Variants in ALG9 observed in about 807,000 individuals in gnomAD.
ALG9 encodes the protein alpha-1,2-mannosyltransferase ALG9.
A neutral mutation model predicts 81.8 loss-of-function variants in ALG9; 55 were observed. That is an observed-to-expected ratio of 0.67 (90% CI 0.54 to 0.84). The LOEUF (loss-of-function observed/expected upper bound fraction) is 0.84. ALG9 is among the 40% of genes least tolerant of loss of function. ALG9 has a pLI of 0.00. For synonymous variants in ALG9, 278 were observed against 274.3 expected, an observed-to-expected ratio of 1.01 and a Z score of -0.13; for missense variants, 629 against 745.0, an observed-to-expected ratio of 0.84 and a Z score of 1.81.
intron 13 of ALG9, among the ~76,000 whole-genome samples, chr11:111,821,160 T>C (rs1035934563): frequency 4.6e-5 from 7 of 152,086 alleles, no homozygotes; most frequent in South Asian, 4.1e-4. Flanking sequence ...TATTTGAAAA[T>C]GGATTATCAG....
chr11:111,859,285 C>T (rs954939228), intron 5 of ALG9, among the ~76,000 whole-genome samples: 1 of 152,014 alleles, frequency 6.6e-6, no homozygotes, highest in South Asian at 2.1e-4. Flanking sequence ...GGGTGGATCA[C>T]GTGGTCAGGA....
chr11:111,869,894 C>T (rs1963722282), intron 2 of ALG9, among the ~76,000 whole-genome samples: 1 of 151,580 alleles, frequency 6.6e-6, no homozygotes, highest in Admixed American at 6.6e-5. Context: ...TCACTGTAAA[C>T]TCTGCCTCCC....
At chr11:111,832,614 G>A (rs1954574287) in intron 13 of ALG9, among the ~76,000 whole-genome samples, 1 of 152,070 alleles carries the variant, frequency 6.6e-6, no homozygotes, top group Non-Finnish European at 1.5e-5. Flanking sequence ...TAAGTATTGT[G>A]TCCCTAACTC....
chr11:111,833,706 G>A (rs2136764411), intron 13 of ALG9, among the ~76,000 whole-genome samples: 1 of 152,288 alleles, frequency 6.6e-6, no homozygotes. Flanking sequence ...GGACACAGCT[G>A]CTACCCAGCA....
At chr11:111,817,293 A>C (rs1951637800) in intron 13 of ALG9, 1 of 152,254 alleles carries the variant, frequency 6.6e-6, no homozygotes. Flanking sequence ...AAAGTGTTGG[A>C]GGAAAAAGCT....
the ALG9 span, among the ~76,000 whole-genome samples, chr11:111,773,515 G>C: frequency 1.3e-5 from 2 of 152,134 alleles, no homozygotes; most frequent in South Asian, 4.2e-4. Flanking sequence ...AAAGTGCTGG[G>C]ATTATGGGCG....
intron 13 of ALG9, chr11:111,828,979 G>T (rs1289755835): frequency 3.9e-5 from 6 of 152,056 alleles, no homozygotes; most frequent in Non-Finnish European, 8.8e-5. Flanking sequence ...TTTAGCTTGA[G>T]AGTCCTCAGT....
In ALG9 at chr11:111,803,415, C is replaced by T. The variant is rs891121801; in HGVS notation, c.1733+6228G>A. ...ACTCGGGTGGCTGAGGCAGGAGAAT[C>T]GCTTGAACCCGGGAGGCAGAGGTTG... On this transcript the variant is annotated intron_variant, in intron 14 of 14. Coordinates refer to ENST00000616540, the MANE Select transcript of ALG9 (RefSeq NM_024740.2). 2.9e-4 allele frequency among the ~76,000 whole-genome samples: 44 copies of T among 151,132 alleles called. 1 individual carries two copies. Among genetic ancestry groups the T allele is most frequent in the Non-Finnish European group, 2.5e-4 (17 of 67,844 alleles).
intron 14 of ALG9, 93 bp from the exon 15 acceptor site, chr11:111,786,613 G>A: frequency 7.4e-7 from 1 of 1,353,654 alleles, no homozygotes; most frequent in East Asian, 2.5e-5. Context: ...CTAATCTGTA[G>A]TAAGGATTAT....
chr11:111,779,357 A>C (rs1287931517), downstream of ALG9, among the ~76,000 whole-genome samples: 1 of 152,024 alleles, frequency 6.6e-6, no homozygotes, highest in African/African-American at 2.4e-5. Context: ...AGGTCAAGAG[A>C]GCTCTTGTAA....
At chr11:111,769,161 C>T in the ALG9 span, 1 of 107,368 alleles carries the variant, frequency 9.3e-6, no homozygotes, top group Non-Finnish European at 2.0e-5. Flanking sequence ...AAAAAAAAAA[C>T]TTAGCAGGAC....
At chr11:111,799,670 T>C (rs1948817194) in intron 14 of ALG9, among the ~76,000 whole-genome samples, 2 of 152,200 alleles carry the variant, frequency 1.3e-5, no homozygotes, top group South Asian at 2.1e-4. Flanking sequence ...TCCTGCTTTT[T>C]GGAACAAGTC....
At chr11:111,821,270 A>G (rs1472548433) in intron 13 of ALG9, among the ~76,000 whole-genome samples, 1 of 151,918 alleles carries the variant, frequency 6.6e-6, no homozygotes, top group Non-Finnish European at 1.5e-5. Context: ...GTCCTCCTTG[A>G]GCTCACCTTA....
At chr11:111,802,954 A>G (rs1949350826) in intron 14 of ALG9, among the ~76,000 whole-genome samples, 1 of 152,224 alleles carries the variant, frequency 6.6e-6, no homozygotes, top group Non-Finnish European at 1.5e-5. Flanking sequence ...GAGAAAGGCA[A>G]GGCCATCAGA....
rs964142368 is a variant in ALG9, at chr11:111,782,961, C to A, written c.*3436G>T. 27 of 151,440 alleles carry A rather than the reference C, an allele frequency of 1.8e-4. No individual in the cohort carries two copies. Among genetic ancestry groups the A allele is most frequent in the African/African-American group, 5.4e-4 (22 of 40,752 alleles). 9.4% of individuals were successfully genotyped at this position (151,440 alleles called of 1,614,324 possible). ...ATCTCAAAAAATTAAAATAACCTGT[C>A]TTCTTTCTTATCAGATGACACCTAC... On this transcript the variant is annotated 3_prime_UTR_variant, in exon 15 of 15. Transcript: ENST00000616540.
At chr11:111,807,561 T>A (rs1397253425) in intron 14 of ALG9, among the ~76,000 whole-genome samples, 1 of 152,244 alleles carries the variant, frequency 6.6e-6, no homozygotes, top group African/African-American at 2.4e-5. Context: ...ACTATATAAC[T>A]TATTTTCTTG....
At position 111,788,862 on chromosome 11, in the gene ALG9, A is replaced by T. The variant is rs565491938; in HGVS notation, c.1734-2342T>A. On this transcript the variant is annotated intron_variant, in intron 14 of 14. Transcript: ENST00000616540. ...CAAACTCCTATAAGCTTTAGTAAAGAAAGTATAAAACTAACAAGTGTAATT... is the reference window on the plus strand; with the variant it reads ...CAAACTCCTATAAGCTTTAGTAAAGTAAGTATAAAACTAACAAGTGTAATT... Among the ~76,000 whole-genome samples the T allele has an allele frequency of 1.2e-3, 184 of 152,372 alleles. 2 individuals carry two copies. The Middle Eastern group carries it at 0.014, about 11-fold the overall frequency.
intron 4 of ALG9, among the ~76,000 whole-genome samples, chr11:111,863,232 C>G (rs1960976221): frequency 6.6e-6 from 1 of 152,136 alleles, no homozygotes; most frequent in Non-Finnish European, 1.5e-5. Flanking sequence ...GTGGTTTGCA[C>G]CTGTAATCCC....
chr11:111,780,472 C>G (rs1945872581), downstream of ALG9, among the ~76,000 whole-genome samples: 1 of 151,224 alleles, frequency 6.6e-6, no homozygotes, highest in Non-Finnish European at 1.5e-5. Context: ...TCTTGGCTCA[C>G]TGCAACCTCC....
Sources: gnomAD v4.1 joint callset for allele counts (sites outside exome capture counted in the v4.1 genomes callset) on GRCh38, gnomAD v4.1.1 for gene constraint, MANE v1.5 for transcripts, NCBI Gene and HGNC (gene_info 2026-07-23, HGNC 2026-07-21) for gene names.